The following NALF1 variants were observed in gnomAD, a reference collection of about 807,000 sequenced individuals.
The protein encoded by NALF1 is NALCN channel auxiliary factor 1.
NALF1 carries 3 observed loss-of-function variants against 48.4 expected under a neutral mutation model. The ratio of observed to expected loss-of-function variants is 0.06; its 90% CI spans 0.03 to 0.16. The LOEUF (loss-of-function observed/expected upper bound fraction) is 0.16, where lower values mean the gene tolerates loss of function less well. Ranked by LOEUF, NALF1 falls within the 10% of genes least tolerant of loss-of-function variation. The probability of loss-of-function intolerance (pLI) is 1.00; values close to 1 mark genes in which losing one functional copy is unlikely to be tolerated. For missense variants in NALF1, 526 were observed against 571.5 expected (o/e 0.92, Z 0.81); for synonymous variants, 262 against 245.7 (o/e 1.07, Z -0.62).
Position 107,551,963 on chromosome 13 carries a change from T to C in NALF1, c.915+313719A>G, listed in dbSNP as rs578046755. On this transcript the variant is annotated intron_variant, in intron 1 of 2. Transcript: ENST00000375915. ...AGCTTTTGTTTTAATTATAAGAAAA[T>C]AGCCTCTAATTATGCTGTTAAAGGT... Among the ~76,000 whole-genome samples, 26 of 152,270 alleles carry C rather than the reference T, an allele frequency of 1.7e-4. No individual in the cohort carries two copies. In the South Asian group the frequency reaches 3.7e-3, roughly 22 times the overall value.
intron 1 of NALF1, among the ~76,000 whole-genome samples, chr13:107,754,976 C>A (rs1877052979): frequency 6.6e-6 from 1 of 152,128 alleles, no homozygotes; most frequent in Non-Finnish European, 1.5e-5. Flanking sequence ...TAGTTAAGGT[C>A]TTCTGGTAAA....
At chr13:107,800,745 TATA>T (rs1296905127) in intron 1 of NALF1, among the ~76,000 whole-genome samples, 2 of 147,764 alleles carry the variant, frequency 1.4e-5, no homozygotes, top group Non-Finnish European at 3.0e-5. Flanking sequence ...TAATATATGA[TATA>T]ATATATAATA....
intron 1 of NALF1, among the ~76,000 whole-genome samples, chr13:107,214,101 C>T (rs1273386678): frequency 6.6e-6 from 1 of 152,182 alleles, no homozygotes; most frequent in Admixed American, 6.5e-5. Flanking sequence ...TTCCAATAGA[C>T]TTTCAATACC....
At chr13:107,827,723 G>A (rs924126981) in intron 1 of NALF1, among the ~76,000 whole-genome samples, 1 of 151,906 alleles carries the variant, frequency 6.6e-6, no homozygotes, top group Non-Finnish European at 1.5e-5. Context: ...TTTATTCCAC[G>A]AACATTTTAT....
intron 1 of NALF1, among the ~76,000 whole-genome samples, chr13:107,229,677 A>T (rs1171053808): frequency 6.6e-6 from 1 of 152,130 alleles, no homozygotes; most frequent in African/African-American, 2.4e-5. Flanking sequence ...CTGGTGTTAA[A>T]TCAATTCCCC....
chr13:107,849,671 TG>T (rs1468112972), intron 1 of NALF1, among the ~76,000 whole-genome samples: 2 of 152,198 alleles, frequency 1.3e-5, no homozygotes, highest in Non-Finnish European at 2.9e-5. Context: ...TCATCTACCT[TG>T]GAAGTCCCAG....
intron 1 of NALF1, among the ~76,000 whole-genome samples, chr13:107,729,634 G>T (rs1038854983): frequency 6.6e-6 from 1 of 151,976 alleles, no homozygotes; most frequent in South Asian, 2.1e-4. Context: ...CCACCACCAC[G>T]CCCAGCTAAT....
At chr13:107,200,684 AAACAAT>A (rs1428316024) in intron 2 of NALF1, among the ~76,000 whole-genome samples, 1 of 152,206 alleles carries the variant, frequency 6.6e-6, no homozygotes, top group Non-Finnish European at 1.5e-5. Context: ...CTGAGTAAAT[AAACAAT>A]AACAAGTCTG....
intron 1 of NALF1, among the ~76,000 whole-genome samples, chr13:107,484,455 G>A (rs1885297798): frequency 6.6e-6 from 1 of 152,054 alleles, no homozygotes; most frequent in South Asian, 2.1e-4. Context: ...AGTTTGGCAG[G>A]GGAAGAATAT....
At chr13:107,498,311 T>A (rs377076869) in intron 1 of NALF1, among the ~76,000 whole-genome samples, 1 of 152,142 alleles carries the variant, frequency 6.6e-6, no homozygotes, top group Admixed American at 6.6e-5. Context: ...GATAGGTCCA[T>A]GACAGGCTAA....
At chr13:107,387,934 T>C (rs750664132) in intron 1 of NALF1, among the ~76,000 whole-genome samples, 21 of 152,224 alleles carry the variant, frequency 1.4e-4, no homozygotes, top group Non-Finnish European at 2.4e-4. Flanking sequence ...TTCTTGTCTC[T>C]TCATTCTCAC....
chr13:107,244,745 G>A (rs1370833715), intron 1 of NALF1, among the ~76,000 whole-genome samples: 1 of 152,116 alleles, frequency 6.6e-6, no homozygotes, highest in Non-Finnish European at 1.5e-5. Context: ...TCTATGGTTG[G>A]TATATGAGAA....
intron 1 of NALF1, among the ~76,000 whole-genome samples, chr13:107,359,328 A>G (rs896364917): frequency 3.3e-5 from 5 of 152,040 alleles, no homozygotes; most frequent in Non-Finnish European, 7.4e-5. Flanking sequence ...ATGTCTTTTT[A>G]CCAGACTCTT....
chr13:107,218,130 C>T (rs747144677), intron 1 of NALF1, among the ~76,000 whole-genome samples: 4 of 152,110 alleles, frequency 2.6e-5, no homozygotes, highest in Non-Finnish European at 4.4e-5. Flanking sequence ...AGCGTGCCCT[C>T]GGTGGCTCTG....
intron 1 of NALF1, among the ~76,000 whole-genome samples, chr13:107,449,516 G>C (rs1364439258): frequency 2.0e-5 from 3 of 152,166 alleles, no homozygotes; most frequent in African/African-American, 7.2e-5. Context: ...CAAGAAGTCT[G>C]GTAAAATATA....
chr13:107,738,951 C>A (rs1390880713), intron 1 of NALF1, among the ~76,000 whole-genome samples: 2 of 152,118 alleles, frequency 1.3e-5, no homozygotes, highest in African/African-American at 4.8e-5. Context: ...TGTGAGCCAC[C>A]TCGCCCAGCT....
intron 1 of NALF1, among the ~76,000 whole-genome samples, chr13:107,588,683 T>C (rs1339559029): frequency 1.3e-5 from 2 of 152,222 alleles, no homozygotes; most frequent in East Asian, 3.9e-4. Context: ...CACATCTGCA[T>C]AATTTTGACT....
At chr13:107,451,482 T>C (rs74114541) in intron 1 of NALF1, among the ~76,000 whole-genome samples, 2,964 of 152,026 alleles carry the variant, frequency 0.019, 100 homozygotes, top group African/African-American at 0.068. Context: ...GGATAAAGAG[T>C]GTTAGCCATA....
At chr13:107,720,048 C>A (rs1875937176) in intron 1 of NALF1, among the ~76,000 whole-genome samples, 1 of 152,168 alleles carries the variant, frequency 6.6e-6, no homozygotes, top group African/African-American at 2.4e-5. Context: ...GCTTCTCTTA[C>A]TTGTCATCAC....
Sources: gnomAD v4.1 joint callset for allele counts (sites outside exome capture counted in the v4.1 genomes callset) on GRCh38, gnomAD v4.1.1 for gene constraint, MANE v1.5 for transcripts, NCBI Gene and HGNC (gene_info 2026-07-23, HGNC 2026-07-21) for gene names.